Variants in DYNLRB1 observed in about 807,000 individuals in gnomAD.
DYNLRB1 encodes ROBL/LC7-like 1.
A neutral mutation model predicts 13.5 loss-of-function variants in DYNLRB1; 6 were observed. The ratio of observed to expected loss-of-function variants is 0.44; its 90% CI spans 0.24 to 0.88. The LOEUF is 0.88. Among genes scored for constraint, DYNLRB1 ranks in the 40% least tolerant of loss-of-function variants. DYNLRB1 has a pLI of 0.21. For synonymous variants in DYNLRB1, 43 were observed against 45.0 expected (o/e 0.96, Z 0.18); for missense variants, 93 against 127.2 (o/e 0.73, Z 1.29).
chr20:34,518,141 G>GT (rs1036299522), intron 1 of DYNLRB1, among the ~76,000 whole-genome samples: 1 of 150,798 alleles, frequency 6.6e-6, no homozygotes, highest in African/African-American at 2.4e-5. Flanking sequence ...GTTTTGTTTT[G>GT]TTTTTTCGAT....
intron 2 of DYNLRB1, chr20:34,529,758 A>G: frequency 8.5e-7 from 1 of 1,176,662 alleles, no homozygotes. Flanking sequence ...TTGATTTCCA[A>G]GTCAGCAGAG....
chr20:34,529,850 A>G (rs756611019), intron 2 of DYNLRB1: 5 of 1,516,562 alleles, frequency 3.3e-6, no homozygotes, highest in African/African-American at 1.4e-5. Flanking sequence ...TTTCATTTAC[A>G]GGAGGCTGGG....
At chr20:34,528,139 C>T (rs1205437848) in intron 2 of DYNLRB1, among the ~76,000 whole-genome samples, 2 of 92,918 alleles carry the variant, frequency 2.2e-5, no homozygotes, top group African/African-American at 8.5e-5. Flanking sequence ...GGTGAAACCC[C>T]GTCTCTACTA....
intron 1 of DYNLRB1, chr20:34,516,850 T>G: frequency 6.5e-7 from 1 of 1,542,144 alleles, no homozygotes; most frequent in South Asian, 1.2e-5. Context: ...ATCTTGTATT[T>G]CCTCCGCCTC....
rs568357760 is a variant in DYNLRB1 at position 34,521,784 on chromosome 20, C to T, written c.4-4484C>T. Among the ~76,000 whole-genome samples the T allele has an allele frequency of 6.6e-5, 10 of 152,282 alleles. No homozygotes were observed. In the South Asian group the frequency reaches 1.2e-3, roughly 19 times the overall value. The stretch of plus-strand genomic sequence containing the variant: ...ACTTATGGCCGAGAATGGTGGCTCA[C>T]GCCTGTAGTCCCAACAGTTTGGGAG... On this transcript the variant is annotated intron_variant, in intron 1 of 3. Coordinates refer to ENST00000357156, the MANE Select transcript of DYNLRB1 (RefSeq NM_014183.4).
At chr20:34,519,390 T>C (rs1979528157) in intron 1 of DYNLRB1, among the ~76,000 whole-genome samples, 1 of 152,168 alleles carries the variant, frequency 6.6e-6, no homozygotes, top group Non-Finnish European at 1.5e-5. Flanking sequence ...GGAATATATA[T>C]ATATTTGTAT....
intron 1 of DYNLRB1, among the ~76,000 whole-genome samples, chr20:34,522,401 T>TCCCATTCCTG (rs1555790949): frequency 1.3e-5 from 2 of 151,612 alleles, no homozygotes; most frequent in African/African-American, 4.8e-5. Context: ...CTATGTGTCC[T>TCCCATTCCTG]CCCATTCCTG....
chr20:34,540,914 T>G lies in DYNLRB1; in HGVS notation c.*290T>G. ...GACCTTCAGTTCACTTTGTCGCCCT[T>G]GGAGAAAGCTGTTTTTCTTTAACTA... On this transcript the variant is annotated 3_prime_UTR_variant, in exon 4 of 4. Coordinates refer to ENST00000357156, the MANE Select transcript of DYNLRB1 (RefSeq NM_014183.4). 2.5e-6 allele frequency: 1 copy of G among 393,278 alleles called. No individual in the cohort carries two copies. 24.4% of individuals were successfully genotyped at this position (393,278 alleles called of 1,614,324 possible).
intron 2 of DYNLRB1, among the ~76,000 whole-genome samples, chr20:34,531,538 A>G (rs2146641211): frequency 6.6e-6 from 1 of 152,282 alleles, no homozygotes. Context: ...GTAGATGTTT[A>G]GTTTCTTGTC....
At chr20:34,516,115 G>T (rs111684887), upstream of DYNLRB1, among the ~76,000 whole-genome samples, 130 of 151,586 alleles carry the variant, frequency 8.6e-4, no homozygotes, top group African/African-American at 3.0e-3. Flanking sequence ...GGCTGGTCTC[G>T]AACTCTTGGG....
chr20:34,523,042 G>A (rs1046371289), intron 1 of DYNLRB1, among the ~76,000 whole-genome samples: 4 of 152,168 alleles, frequency 2.6e-5, no homozygotes, highest in African/African-American at 4.8e-5. Context: ...AGGAGGAGAT[G>A]AACGTGACCT....
At chr20:34,529,971 G>A (rs1016339416) in intron 2 of DYNLRB1, 18 of 1,347,046 alleles carry the variant, frequency 1.3e-5, no homozygotes, top group Non-Finnish European at 1.7e-5. Flanking sequence ...CAACTGCCTC[G>A]AGTCCTGTGA....
At chr20:34,521,302 C>T (rs760636640) in intron 1 of DYNLRB1, among the ~76,000 whole-genome samples, 7 of 152,252 alleles carry the variant, frequency 4.6e-5, no homozygotes, top group South Asian at 2.1e-4. Context: ...GTGAGCACCA[C>T]GCCCAGCTGA....
intron 3 of DYNLRB1, among the ~76,000 whole-genome samples, chr20:34,536,844 G>A (rs1981189246): frequency 1.3e-5 from 2 of 152,022 alleles, no homozygotes; most frequent in East Asian, 1.9e-4. Flanking sequence ...GGGAGTTCAG[G>A]GTATGGGGGA....
chr20:34,525,170 G>A (rs1267912042), intron 1 of DYNLRB1, among the ~76,000 whole-genome samples: 1 of 151,580 alleles, frequency 6.6e-6, no homozygotes, highest in Non-Finnish European at 1.5e-5. Flanking sequence ...TCTCCACCCA[G>A]TGTTGAGGAT....
chr20:34,528,310 T>TCAAA lies in DYNLRB1; in HGVS notation c.79+1968_79+1971dup, dbSNP rs1372674392. ...CTGGGCGACAGAGCGAGACTCCGTCTCAAAAAAAAAAAAAAAAAAAAAAAA... is the reference window on the plus strand; with the variant it reads ...CTGGGCGACAGAGCGAGACTCCGTCTCAAACAAAAAAAAAAAAAAAAAAAAAAAA... On this transcript the variant is annotated intron_variant, in intron 2 of 3. Transcript: ENST00000357156. Among the ~76,000 whole-genome samples, 2 of 50,988 alleles carry TCAAA rather than the reference T, an allele frequency of 3.9e-5. 1 individual carries two copies. Among genetic ancestry groups the TCAAA allele is most frequent in the African/African-American group, 1.6e-4 (2 of 12,730 alleles). The allele number at this position is 50,988 out of a possible 152,430, so 33.5% of individuals were successfully genotyped here. A position where few individuals can be genotyped will look rare whatever the true frequency, so the allele number is the denominator to read the frequency against.
At chr20:34,524,721 CTT>C (rs757000124) in intron 1 of DYNLRB1, among the ~76,000 whole-genome samples, 1 of 147,712 alleles carries the variant, frequency 6.8e-6, no homozygotes, top group African/African-American at 2.5e-5. Context: ...CCATTTTCCA[CTT>C]TTTTTTTTGT....
chr20:34,524,465 T>C (rs1159878201), intron 1 of DYNLRB1, among the ~76,000 whole-genome samples: 3 of 152,198 alleles, frequency 2.0e-5, no homozygotes, highest in South Asian at 4.1e-4. Flanking sequence ...CACTGTACTT[T>C]GGTCCATGAT....
At chr20:34,530,176 TG>T in intron 2 of DYNLRB1, 1 of 1,179,966 alleles carries the variant, frequency 8.5e-7, no homozygotes, top group Non-Finnish European at 1.0e-6. Context: ...GCCTTAAAAC[TG>T]CCCCTAAAGC....
Sources: gnomAD v4.1 joint callset for allele counts (sites outside exome capture counted in the v4.1 genomes callset) on GRCh38, gnomAD v4.1.1 for gene constraint, MANE v1.5 for transcripts, NCBI Gene and HGNC (gene_info 2026-07-23, HGNC 2026-07-21) for gene names.